MVB12B: variants seen among roughly 807,000 people sequenced by gnomAD.
MVB12B encodes multivesicular body subunit 12B.
MVB12B carries 16 observed loss-of-function variants against 41.6 expected under a neutral mutation model. The ratio of observed to expected loss-of-function variants is 0.38; its 90% confidence interval spans 0.26 to 0.58. MVB12B has a LOEUF of 0.58. Among genes scored for constraint, MVB12B ranks in the 20% least tolerant of loss-of-function variants. MVB12B has a pLI of 0.62. For synonymous variants in MVB12B, 133 were observed against 139.7 expected, an observed-to-expected ratio of 0.95 and a Z score of 0.34; for missense variants, 274 against 380.2, an observed-to-expected ratio of 0.72 and a Z score of 2.32.
At chr9:126,338,799 C>G (rs1382372893) in intron 1 of MVB12B, among the ~76,000 whole-genome samples, 1 of 152,188 alleles carries the variant, frequency 6.6e-6, no homozygotes. Context: ...AATGCCTGCT[C>G]TGGATCTGCA....
rs372335660 is a variant in MVB12B, at chr9:126,457,730, C to T, written c.758-23639C>T. The stretch of plus-strand genomic sequence containing the variant: ...TTGAGACTGAATGAAAATAGGGACG[C>T]GTCGCCTGTCGTTCTACTGAGGGAG... On this transcript the variant is annotated intron_variant, in intron 7 of 9. Transcript: ENST00000361171. 1.3e-3 allele frequency among the ~76,000 whole-genome samples: 196 copies of T among 152,064 alleles called. 6 individuals are homozygous for T. The South Asian group carries it at 0.039, about 30-fold the overall frequency.
chr9:126,449,000 G>C (rs1293307113), intron 7 of MVB12B, among the ~76,000 whole-genome samples: 3 of 152,204 alleles, frequency 2.0e-5, no homozygotes, highest in Non-Finnish European at 4.4e-5. Context: ...TAGGCAGCGT[G>C]GCATAGAAGG....
intron 7 of MVB12B, among the ~76,000 whole-genome samples, chr9:126,423,045 C>T (rs1832070743): frequency 1.3e-5 from 2 of 152,180 alleles, no homozygotes; most frequent in Admixed American, 1.3e-4. Flanking sequence ...TTCTTTTGTG[C>T]TGTGGCTATT....
At chr9:126,362,882 T>C (rs916628133) in intron 2 of MVB12B, among the ~76,000 whole-genome samples, 1 of 152,202 alleles carries the variant, frequency 6.6e-6, no homozygotes, top group Non-Finnish European at 1.5e-5. Flanking sequence ...TTACATGTTT[T>C]GCATAAAGGA....
chr9:126,440,723 G>GA (rs1251042432), intron 7 of MVB12B, among the ~76,000 whole-genome samples: 1 of 151,476 alleles, frequency 6.6e-6, no homozygotes, highest in Non-Finnish European at 1.5e-5. Context: ...TTTAAGGGAG[G>GA]AAAAAAAAGA....
At chr9:126,472,326 G>T in intron 7 of MVB12B, among the ~76,000 whole-genome samples, 1 of 151,950 alleles carries the variant, frequency 6.6e-6, no homozygotes, top group Admixed American at 6.6e-5. Context: ...ATCCCATCTC[G>T]TTGCCAGGCA....
At chr9:126,454,423 T>C (rs1479331548) in intron 7 of MVB12B, among the ~76,000 whole-genome samples, 1 of 152,248 alleles carries the variant, frequency 6.6e-6, no homozygotes. Context: ...TTTTTGTTAA[T>C]GGGAAGAAAT....
At chr9:126,368,472 G>C (rs1830243271) in intron 2 of MVB12B, among the ~76,000 whole-genome samples, 1 of 152,184 alleles carries the variant, frequency 6.6e-6, no homozygotes, top group South Asian at 2.1e-4. Context: ...AAATCACCTT[G>C]AACTCCTTGG....
chr9:126,416,989 A>G (rs1163815986), intron 6 of MVB12B, among the ~76,000 whole-genome samples: 3 of 152,198 alleles, frequency 2.0e-5, no homozygotes, highest in African/African-American at 7.2e-5. Flanking sequence ...AACCACAGGT[A>G]ATCTGTCCCT....
Position 126,491,573 on chromosome 9 carries a change from ATTTC to A in MVB12B, c.873+7545_873+7548del, listed in dbSNP as rs549975454. Among the ~76,000 whole-genome samples, 7 of 152,298 alleles carry A rather than the reference ATTTC, an allele frequency of 4.6e-5. No individual in the cohort carries two copies. In the South Asian group the frequency reaches 8.3e-4, roughly 18 times the overall value. The stretch of plus-strand genomic sequence containing the variant: ...TATTTCACCGCCCAGAATCCTTGTT[ATTTC>A]TTTATTTTTCTGTTAGAAAGCTGAA... On this transcript the variant is annotated intron_variant, in intron 9 of 9. Coordinates refer to ENST00000361171, the MANE Select transcript of MVB12B (RefSeq NM_033446.3).
rs1211133212 is a variant in MVB12B, at chr9:126,392,572, G to C, written c.539+377G>C. ...AAGGCCACTGGATGTGGATATAAGT[G>C]AGGCAAAGGCCGTGCTGTCACAGAG... On this transcript the variant is annotated intron_variant, in intron 5 of 9. Transcript: ENST00000361171. The surrounding 1 kb of genome is among the most constrained non-coding windows in gnomAD (Gnocchi z 4.8). 1.3e-5 allele frequency among the ~76,000 whole-genome samples: 2 copies of C among 152,256 alleles called. No individual in the cohort carries two copies. Among genetic ancestry groups the C allele is most frequent in the African/African-American group, 4.8e-5 (2 of 41,466 alleles).
rs1486722627 is a variant in MVB12B, at chr9:126,326,865, C to G, written c.-65C>G. The G allele has an allele frequency of 6.2e-6, 1 of 162,098 alleles. No homozygotes were observed. The highest frequency in any genetic ancestry group is 1.3e-5 in the Non-Finnish European group (1 of 79,300). 10.0% of individuals were successfully genotyped at this position (162,098 alleles called of 1,614,324 possible). On this transcript the variant is annotated 5_prime_UTR_variant, in exon 1 of 10. Coordinates refer to ENST00000361171, the MANE Select transcript of MVB12B (RefSeq NM_033446.3). ...CGCCGCTCTCGGTGAGGCTCGCGCT[C>G]GAGCTGCGGCGCCGGCTCCTGCCGC...
Position 126,468,537 on chromosome 9 carries a change from A to C in MVB12B, c.758-12832A>C. Among the ~76,000 whole-genome samples, 1 of 152,196 alleles carries C rather than the reference A, an allele frequency of 6.6e-6. No individual in the cohort carries two copies. The highest frequency in any genetic ancestry group is 1.5e-5 in the Non-Finnish European group (1 of 68,040). ...CCTTGATTCCGCCTTGCCCCTCTGC[A>C]GCCAGTGGCCAGGTCTCTTGATTCT... On this transcript the variant is annotated intron_variant, in intron 7 of 9. Coordinates refer to ENST00000361171, the MANE Select transcript of MVB12B (RefSeq NM_033446.3). This position sits in a 1 kb window ranked among gnomAD's most constrained non-coding sequence, Gnocchi z 4.3.
intron 7 of MVB12B, among the ~76,000 whole-genome samples, chr9:126,425,044 G>A (rs990381423): frequency 1.3e-5 from 2 of 152,220 alleles, no homozygotes; most frequent in Admixed American, 1.3e-4. Flanking sequence ...ATTAAAAGAT[G>A]TATGTGAATA....
chr9:126,466,763 G>A (rs1156684430), intron 7 of MVB12B, among the ~76,000 whole-genome samples: 1 of 152,060 alleles, frequency 6.6e-6, no homozygotes, highest in Non-Finnish European at 1.5e-5. Flanking sequence ...ATTACAAATT[G>A]GATATCAACC....
At position 126,455,890 on chromosome 9, in the gene MVB12B, T is replaced by TC. The variant is rs199874095; in HGVS notation, c.758-25479_758-25478insC. ...AGGTCGTTTTCTTTCTTTCTTTCTT[T>TC]TTTTTTTTTTTTTTTTTTGAGACGG... On this transcript the variant is annotated intron_variant, in intron 7 of 9. Coordinates refer to ENST00000361171, the MANE Select transcript of MVB12B (RefSeq NM_033446.3). Among the ~76,000 whole-genome samples the TC allele has an allele frequency of 6.9e-3, 574 of 83,460 alleles. 1 individual carries two copies. The highest frequency in any genetic ancestry group is 0.017 in the African/African-American group (442 of 25,884). 54.8% of individuals were successfully genotyped at this position (83,460 alleles called of 152,430 possible).
At chr9:126,359,082 A>G (rs944680779) in intron 2 of MVB12B, among the ~76,000 whole-genome samples, 2 of 149,676 alleles carry the variant, frequency 1.3e-5, no homozygotes, top group Middle Eastern at 3.2e-3. Context: ...TTTTATGGAG[A>G]CAGGGTCTCA....
At chr9:126,465,380 T>C (rs1041939337) in intron 7 of MVB12B, among the ~76,000 whole-genome samples, 1 of 152,062 alleles carries the variant, frequency 6.6e-6, no homozygotes, top group Non-Finnish European at 1.5e-5. Context: ...ACCAATTGAA[T>C]CAGAACCCCT....
chr9:126,352,101 C>A (rs1209938759), intron 2 of MVB12B, among the ~76,000 whole-genome samples: 1 of 151,846 alleles, frequency 6.6e-6, no homozygotes, highest in Non-Finnish European at 1.5e-5. Context: ...TCTTTGATAA[C>A]AGATTGTTAA....
Sources: gnomAD v4.1 joint callset for allele counts (sites outside exome capture counted in the v4.1 genomes callset) on GRCh38, gnomAD v4.1.1 for gene constraint, Gnocchi (gnomAD v3.1) non-coding constraint, MANE v1.5 for transcripts, NCBI Gene and HGNC (gene_info 2026-07-23, HGNC 2026-07-21) for gene names.